Variants in GPR55 observed in about 807,000 individuals in gnomAD.
GPR55 encodes G protein-coupled receptor 55.
GPR55 carries 6 observed loss-of-function variants against 7.9 expected under a neutral mutation model. The ratio of observed to expected loss-of-function variants is 0.76; its 90% CI spans 0.41 to 1.49. GPR55 has a LOEUF of 1.49. Among genes scored for constraint, GPR55 ranks in the 40% most tolerant of loss-of-function variants. The probability of loss-of-function intolerance (pLI) is 0.01; values close to 1 mark genes in which losing one functional copy is unlikely to be tolerated. For synonymous variants in GPR55, 183 were observed against 166.8 expected (o/e 1.10, Z -0.75); for missense variants, 376 against 406.0 (o/e 0.93, Z 0.63).
chr2:230,957,556 G>C (rs1019201619), intron 1 of GPR55: 1 of 377,822 alleles, frequency 2.6e-6, no homozygotes, highest in Non-Finnish European at 5.3e-6. Flanking sequence ...CCGCGGCGCC[G>C]GCGGTGCTGG....
intron 1 of GPR55, among the ~76,000 whole-genome samples, chr2:230,947,047 T>C (rs1017128045): frequency 6.6e-6 from 1 of 152,232 alleles, no homozygotes; most frequent in African/African-American, 2.4e-5. Context: ...TATTCAACTT[T>C]CTGACGGCCC....
chr2:230,955,378 G>A (rs1030657087), intron 1 of GPR55, among the ~76,000 whole-genome samples: 2 of 152,200 alleles, frequency 1.3e-5, no homozygotes, highest in Non-Finnish European at 2.9e-5. Flanking sequence ...ACACGTGACA[G>A]TGCATCAGAT....
At chr2:230,933,886 A>G (rs35363507) in intron 1 of GPR55, among the ~76,000 whole-genome samples, 31,209 of 152,118 alleles carry the variant, frequency 0.21, 6,467 homozygotes, top group African/African-American at 0.53. Flanking sequence ...GAGAGGCATT[A>G]CCAGGTCTTC....
chr2:230,953,216 T>C (rs10201749), intron 1 of GPR55, among the ~76,000 whole-genome samples: 9,399 of 152,270 alleles, frequency 0.062, 696 homozygotes, highest in East Asian at 0.4. Context: ...TAATCTCCCC[T>C]GTCCCAGTAT....
intron 1 of GPR55, among the ~76,000 whole-genome samples, chr2:230,914,607 T>C (rs1464829259): frequency 1.3e-5 from 2 of 151,958 alleles, no homozygotes; most frequent in Non-Finnish European, 2.9e-5. Context: ...ACAGTCATCC[T>C]TCTCAAAGAA....
chr2:230,953,066 G>A lies in GPR55; in HGVS notation c.-135+7709C>T, dbSNP rs116553099. Among the ~76,000 whole-genome samples the A allele has an allele frequency of 5.2e-3, 787 of 152,272 alleles. 4 individuals carry two copies. The highest frequency in any genetic ancestry group is 0.01 in the Middle Eastern group (3 of 294). ...GGGTGCAGTGGCTAAGGAAGCATGC[G>A]CACCCCAGAAAAGCTAGTTCCCAGG... is the stretch of plus-strand genomic sequence containing the variant. On this transcript the variant is annotated intron_variant, in intron 1 of 1. Transcript: ENST00000392039.
In GPR55 at chr2:230,911,324, CAA is replaced by C. The variant is rs756124310; in HGVS notation, c.-134-230_-134-229del. On this transcript the variant is annotated intron_variant, in intron 1 of 1. Transcript: ENST00000650999. The stretch of plus-strand genomic sequence containing the variant: ...ATACCCAGACCCAAACAGGCTGAAG[CAA>C]AGAGACAGTTTCACATAATGGAAAA... Among the ~76,000 whole-genome samples, 11 of 152,310 alleles carry C rather than the reference CAA, an allele frequency of 7.2e-5. No homozygotes were observed. The South Asian group carries it at 1.2e-3, about 17-fold the overall frequency.
intron 1 of GPR55, among the ~76,000 whole-genome samples, chr2:230,919,396 C>T (rs934289769): frequency 3.9e-5 from 6 of 152,114 alleles, no homozygotes; most frequent in South Asian, 2.1e-4. Context: ...AGACAAATGA[C>T]GTTCTTTCTC....
chr2:230,957,837 T>C (rs1380345710), intron 1 of GPR55: 3 of 612,816 alleles, frequency 4.9e-6, no homozygotes, highest in Non-Finnish European at 9.1e-6. Context: ...GGTATAATTA[T>C]GCAAAGCAAA....
At chr2:230,956,661 T>A (rs1327364047) in intron 1 of GPR55, among the ~76,000 whole-genome samples, 1 of 152,196 alleles carries the variant, frequency 6.6e-6, no homozygotes, top group Non-Finnish European at 1.5e-5. Flanking sequence ...CATAACCCAA[T>A]ACCATGATCA....
Position 230,910,892 on chromosome 2 carries a change from A to G in GPR55, c.71T>C (p.Phe24Ser). The G allele has an allele frequency of 6.2e-7, 1 of 1,614,022 alleles. No homozygotes were observed. The highest frequency in any genetic ancestry group is 8.5e-7 in the Non-Finnish European group (1 of 1,179,884). The change falls in exon 2 of 2, where the codon TTT (phenylalanine) becomes TCT (serine). Residue 24 changes from phenylalanine (F) to serine (S), a missense_variant. Phe to Ser is a radical substitution (Grantham distance 155). Coordinates refer to ENST00000650999, the MANE Select transcript of GPR55 (RefSeq NM_005683.4). The surrounding 1 kb of genome is among the most constrained non-coding windows in gnomAD (Gnocchi z 5.4). ...GACGAAGGTGGGGATGTGGACTGCA[A>G]ACTGTAGGGTTTTCATCAGCTCGTT... is the stretch of plus-strand genomic sequence containing the variant. ...GVNELMKTLQ[F>S]AVHIPTFVLG...
At chr2:230,960,311 G>C (rs1172665621) in intron 1 of GPR55, among the ~76,000 whole-genome samples, 2 of 152,186 alleles carry the variant, frequency 1.3e-5, no homozygotes, top group African/African-American at 4.8e-5. Flanking sequence ...ACCAGTATAA[G>C]AGGACTGACC....
intron 1 of GPR55, among the ~76,000 whole-genome samples, chr2:230,948,571 T>G (rs1691353277): frequency 6.6e-6 from 1 of 152,240 alleles, no homozygotes; most frequent in African/African-American, 2.4e-5. Context: ...CAGCATGACA[T>G]TGGCAGGCAT....
In GPR55 at chr2:230,919,130, G is replaced by A. The variant is rs542534551; in HGVS notation, c.-135+6038C>T. On this transcript the variant is annotated intron_variant, in intron 1 of 1. Coordinates refer to ENST00000650999, the MANE Select transcript of GPR55 (RefSeq NM_005683.4). ...ACCAACTTAGAGTCTCATCTTACAC[G>A]GTATCTCAAAAGAAATTCCAAATTC... 5.3e-5 allele frequency among the ~76,000 whole-genome samples: 8 copies of A among 152,044 alleles called. No homozygotes were observed. In the South Asian group the frequency reaches 6.2e-4, roughly 12 times the overall value.
chr2:230,938,768 C>T (rs1691173703), intron 1 of GPR55, among the ~76,000 whole-genome samples: 1 of 152,218 alleles, frequency 6.6e-6, no homozygotes. Flanking sequence ...GGCTCCGTGG[C>T]ATCTCGGGAC....
intron 1 of GPR55, among the ~76,000 whole-genome samples, chr2:230,920,025 C>T (rs1301688304): frequency 1.3e-5 from 2 of 151,052 alleles, no homozygotes; most frequent in East Asian, 3.9e-4. Flanking sequence ...ACATCCCAAC[C>T]AGTGGTTGCA....
intron 1 of GPR55, among the ~76,000 whole-genome samples, chr2:230,922,295 C>T (rs1690855942): frequency 6.6e-6 from 1 of 152,178 alleles, no homozygotes; most frequent in South Asian, 2.1e-4. Flanking sequence ...CTGGCTCCCT[C>T]TGCTTGGGGG....
chr2:230,914,295 C>T (rs1003553224), intron 1 of GPR55, among the ~76,000 whole-genome samples: 1 of 152,124 alleles, frequency 6.6e-6, no homozygotes, highest in Admixed American at 6.5e-5. Context: ...CATCAGTATT[C>T]CCCGGTAGGA....
chr2:230,951,877 G>A (rs192611796), intron 1 of GPR55, among the ~76,000 whole-genome samples: 1 of 151,362 alleles, frequency 6.6e-6, no homozygotes, highest in East Asian at 1.9e-4. Context: ...TCTTACCTCA[G>A]CCTCCTGAGC....
Sources: allele counts gnomAD v4.1 joint callset (sites outside exome capture counted in the v4.1 genomes callset), GRCh38; gene constraint gnomAD v4.1.1; non-coding constraint Gnocchi (gnomAD v3.1); transcripts MANE v1.5; gene names NCBI Gene and HGNC (gene_info 2026-07-23, HGNC 2026-07-21).